Variants in SGCZ observed in about 807,000 individuals in gnomAD.
The protein encoded by SGCZ is sarcoglycan zeta, also known as zeta-sarcoglycan.
Under a neutral mutation model 41.3 loss-of-function variants are expected in SGCZ, and 40 were observed. The observed-to-expected ratio is 0.97, with a 90% confidence interval of 0.75 to 1.26. The LOEUF is 1.26. Ranked by LOEUF, SGCZ falls within the 50% of genes most tolerant of loss-of-function variation. SGCZ has a pLI of 0.00. For missense variants in SGCZ, 552 were observed against 369.8 expected, an observed-to-expected ratio of 1.49 and a Z score of -4.04; for synonymous variants, 206 against 137.5, an observed-to-expected ratio of 1.50 and a Z score of -3.49.
chr8:15,087,448 G>C (rs17655425), intron 1 of SGCZ, among the ~76,000 whole-genome samples: 1 of 151,886 alleles, frequency 6.6e-6, no homozygotes, highest in Non-Finnish European at 1.5e-5. Flanking sequence ...CATCTCGAAC[G>C]CTGATTTCAT....
intron 1 of SGCZ, among the ~76,000 whole-genome samples, chr8:14,729,527 G>T (rs184658940): frequency 3.3e-5 from 5 of 152,304 alleles, no homozygotes; most frequent in Admixed American, 3.3e-4. Flanking sequence ...GGATGAATGT[G>T]CAGAGAATAG....
intron 1 of SGCZ, among the ~76,000 whole-genome samples, chr8:14,793,668 A>C (rs1403110910): frequency 4.6e-5 from 7 of 152,124 alleles, no homozygotes; most frequent in Admixed American, 4.6e-4. Flanking sequence ...GGTAAAGGGG[A>C]TTGCAAATGG....
At chr8:15,176,817 G>T (rs576822636) in intron 1 of SGCZ, among the ~76,000 whole-genome samples, 1 of 152,028 alleles carries the variant, frequency 6.6e-6, no homozygotes, top group Non-Finnish European at 1.5e-5. Flanking sequence ...CTGGCTAACA[G>T]GGTGAAACCC....
intron 1 of SGCZ, among the ~76,000 whole-genome samples, chr8:14,574,410 A>G (rs575962373): frequency 6.6e-6 from 1 of 152,256 alleles, no homozygotes; most frequent in Non-Finnish European, 1.5e-5. Flanking sequence ...TATTACTCTA[A>G]CTTTCCCCCA....
At chr8:15,116,978 A>G (rs1585580686) in intron 1 of SGCZ, among the ~76,000 whole-genome samples, 1 of 152,236 alleles carries the variant, frequency 6.6e-6, no homozygotes, top group East Asian at 1.9e-4. Flanking sequence ...TTTTTATGCC[A>G]TCAATCTATT....
rs560530309 is a variant in SGCZ, at chr8:14,480,468, T to A, written c.234+74264A>T. On this transcript the variant is annotated intron_variant, in intron 2 of 7. Coordinates refer to ENST00000382080, the MANE Select transcript of SGCZ (RefSeq NM_139167.4). ...CCTAAATTTCTCTATTATTTCAATG[T>A]TTACCCTTTGCTACACACCAACAGT... Among the ~76,000 whole-genome samples the A allele has an allele frequency of 6.3e-4, 96 of 152,264 alleles. No individual in the cohort carries two copies. In the East Asian group the frequency reaches 0.01, roughly 17 times the overall value.
At chr8:15,217,989 G>T (rs1202838930) in intron 1 of SGCZ, among the ~76,000 whole-genome samples, 1 of 152,070 alleles carries the variant, frequency 6.6e-6, no homozygotes, top group African/African-American at 2.4e-5. Flanking sequence ...GGGAGGCCGA[G>T]GTAGGAGAAT....
At position 14,089,210 on chromosome 8, in the gene SGCZ, G is replaced by A. The variant is rs867500013; in HGVS notation, c.*1233C>T. 3.3e-5 allele frequency among the ~76,000 whole-genome samples: 5 copies of A among 151,854 alleles called. No individual in the cohort carries two copies. Among genetic ancestry groups the A allele is most frequent in the Non-Finnish European group, 7.4e-5 (5 of 67,894 alleles). On this transcript the variant is annotated 3_prime_UTR_variant, in exon 8 of 8. Coordinates refer to ENST00000382080, the MANE Select transcript of SGCZ (RefSeq NM_139167.4). ...TTTGAGGTCAGGGTAGCCTAACAAC[G>A]ATCTAATAAAAGTAAATATATGTTA...
chr8:14,194,208 G>T lies in SGCZ; in HGVS notation c.425-29506C>A, dbSNP rs932760053. On this transcript the variant is annotated intron_variant, in intron 4 of 7. Transcript: ENST00000382080. ...GGTAAATATTATCTTAGACTGTATA[G>T]ATAGAAATGCAATAGTGGTAAGCAA... Among the ~76,000 whole-genome samples, 4 of 152,006 alleles carry T rather than the reference G, an allele frequency of 2.6e-5. No homozygotes were observed. The East Asian group carries it at 7.7e-4, about 29-fold the overall frequency.
chr8:14,265,234 G>A (rs910136403), intron 3 of SGCZ, among the ~76,000 whole-genome samples: 1 of 152,132 alleles, frequency 6.6e-6, no homozygotes, highest in East Asian at 1.9e-4. Flanking sequence ...CACTCAAGGC[G>A]GCAGTGTTTA....
chr8:14,246,853 T>A (rs1185340870), intron 3 of SGCZ, among the ~76,000 whole-genome samples: 9 of 132,366 alleles, frequency 6.8e-5, no homozygotes, highest in African/African-American at 2.6e-4. Context: ...GAGCTTGCAG[T>A]GAGCCGAGAT....
intron 1 of SGCZ, among the ~76,000 whole-genome samples, chr8:15,177,749 G>A (rs1800042987): frequency 1.3e-5 from 2 of 152,214 alleles, no homozygotes; most frequent in Non-Finnish European, 2.9e-5. Flanking sequence ...ATGAGATGAG[G>A]CATCTTCACT....
At chr8:15,147,204 TC>T (rs1460338201) in intron 1 of SGCZ, among the ~76,000 whole-genome samples, 1 of 152,120 alleles carries the variant, frequency 6.6e-6, no homozygotes, top group East Asian at 1.9e-4. Context: ...CATAATCTAC[TC>T]CCAACACATT....
intron 1 of SGCZ, among the ~76,000 whole-genome samples, chr8:14,937,508 C>T (rs1014311374): frequency 2.0e-5 from 3 of 151,980 alleles, no homozygotes; most frequent in East Asian, 3.9e-4. Flanking sequence ...AACCCTACAA[C>T]TCATTTTATC....
intron 5 of SGCZ, among the ~76,000 whole-genome samples, chr8:14,115,875 T>C (rs1379689135): frequency 6.6e-6 from 1 of 151,996 alleles, no homozygotes; most frequent in South Asian, 2.1e-4. Flanking sequence ...TTCACCACTA[T>C]TTAGATTACT....
intron 5 of SGCZ, among the ~76,000 whole-genome samples, chr8:14,120,861 C>CTT (rs1319617407): frequency 6.6e-6 from 1 of 152,016 alleles, no homozygotes; most frequent in Non-Finnish European, 1.5e-5. Context: ...TTACCAAAAA[C>CTT]TTTGAATAAA....
intron 1 of SGCZ, among the ~76,000 whole-genome samples, chr8:14,800,197 T>C (rs1801278001): frequency 6.6e-6 from 1 of 152,178 alleles, no homozygotes; most frequent in African/African-American, 2.4e-5. Flanking sequence ...CCTGGTCATT[T>C]GGAAATATGT....
intron 3 of SGCZ, among the ~76,000 whole-genome samples, chr8:14,322,634 A>G (rs1223865297): frequency 6.6e-6 from 1 of 152,154 alleles, no homozygotes; most frequent in Non-Finnish European, 1.5e-5. Flanking sequence ...GCGACTACAA[A>G]TGAACCTAAG....
At position 14,750,097 on chromosome 8, in the gene SGCZ, T is replaced by C. The variant is rs74381822; in HGVS notation, c.40-195171A>G. 6.7e-3 allele frequency among the ~76,000 whole-genome samples: 1,026 copies of C among 152,302 alleles called. 12 individuals carry two copies. The highest frequency in any genetic ancestry group is 0.023 in the African/African-American group (942 of 41,568). On this transcript the variant is annotated intron_variant, in intron 1 of 7. Coordinates refer to ENST00000382080, the MANE Select transcript of SGCZ (RefSeq NM_139167.4). The stretch of plus-strand genomic sequence containing the variant: ...TCTTGGTCTTAATAGTCCAAATTAA[T>C]AATCCAAGTGTCTATTTTAGTAAGT...
Sources: allele counts gnomAD v4.1 joint callset (sites outside exome capture counted in the v4.1 genomes callset), GRCh38; gene constraint gnomAD v4.1.1; transcripts MANE v1.5; gene names NCBI Gene and HGNC (gene_info 2026-07-23, HGNC 2026-07-21).